The following MGME1 variants were observed in gnomAD, a reference collection of about 807,000 sequenced individuals.
MGME1 encodes chromosome 20 open reading frame 72.
MGME1 carries 22 observed loss-of-function variants against 33.0 expected under a neutral mutation model. That is an observed-to-expected ratio of 0.67 (90% confidence interval 0.48 to 0.95). The LOEUF is 0.95. MGME1 is among the 40% of genes least tolerant of loss of function. The pLI, the probability that MGME1 is intolerant of heterozygous loss-of-function variation, is 0.00. For missense variants in MGME1, 383 were observed against 397.8 expected (o/e 0.96, Z 0.32); for synonymous variants, 133 against 144.0 (o/e 0.92, Z 0.55).
intron 4 of MGME1, among the ~76,000 whole-genome samples, chr20:17,989,406 A>C (rs1441924898): frequency 6.7e-6 from 1 of 149,394 alleles, no homozygotes. Context: ...TAAATAAATA[A>C]ATAAATAAAT....
intron 3 of MGME1, among the ~76,000 whole-genome samples, chr20:17,980,215 G>A (rs1487551395): frequency 2.0e-5 from 3 of 151,480 alleles, no homozygotes; most frequent in Non-Finnish European, 2.9e-5. Context: ...TCATAGAGAC[G>A]GGGTTTCACC....
At chr20:17,970,618 AAAT>A (rs1336869484) in intron 2 of MGME1, among the ~76,000 whole-genome samples, 1 of 152,236 alleles carries the variant, frequency 6.6e-6, no homozygotes, top group African/African-American at 2.4e-5. Context: ...ATATTTGACT[AAAT>A]AATACATAAA....
upstream of MGME1, chr20:17,968,725 G>C: frequency 2.3e-6 from 1 of 428,312 alleles, no homozygotes; most frequent in Middle Eastern, 6.3e-4. Context: ...CGAGGAGGCC[G>C]CCAACCGCAG....
intron 3 of MGME1, among the ~76,000 whole-genome samples, chr20:17,979,159 G>A (rs1249308237): frequency 6.7e-6 from 1 of 149,882 alleles, no homozygotes; most frequent in Admixed American, 6.7e-5. Context: ...TCACTGCAAC[G>A]TCCACCTCGC....
chr20:17,988,088 C>T, intron 3 of MGME1, 78 bp from the exon 4 acceptor site: 2 of 1,381,654 alleles, frequency 1.4e-6, no homozygotes, highest in Non-Finnish European at 2.0e-6. Context: ...ACAAACTATA[C>T]ATAAGAGAAC....
chr20:17,978,149 A>G lies in MGME1; in HGVS notation c.731+2246A>G, dbSNP rs554099904. ...TTCCAATGTGGGCCAGGAAGCCGAA[A>G]GAGTGGGCACCCTTGATAGTCTGAA... On this transcript the variant is annotated intron_variant, in intron 3 of 4. Transcript: ENST00000377710. 6.6e-5 allele frequency among the ~76,000 whole-genome samples: 10 copies of G among 152,322 alleles called. 1 individual carries two copies. The South Asian group carries it at 2.1e-3, about 32-fold the overall frequency.
chr20:17,988,361 G>T, intron 4 of MGME1, 63 bp downstream of exon 4: 6 of 1,560,986 alleles, frequency 3.8e-6, no homozygotes, highest in Non-Finnish European at 5.2e-6. Flanking sequence ...ATAACTCCGG[G>T]CCGGGCGCAG....
rs566327913 is a variant in MGME1 at position 17,990,570 on chromosome 20, C to T, written c.*461C>T. The T allele has an allele frequency of 3.4e-4, 59 of 173,130 alleles. No homozygotes were observed. In the South Asian group the frequency reaches 6.4e-3, roughly 19 times the overall value. The allele number at this position is 173,130 out of a possible 1,614,324, so 10.7% of individuals were successfully genotyped here. ...CAGGGAGGACACATCAGCCCACTAC[C>T]GCTGCCAACACCAATGCCTAAAACT... On this transcript the variant is annotated 3_prime_UTR_variant, in exon 5 of 5. Coordinates refer to ENST00000377710, the MANE Select transcript of MGME1 (RefSeq NM_052865.4).
At chr20:17,979,097 GAC>G (rs2122554858) in intron 3 of MGME1, among the ~76,000 whole-genome samples, 1 of 150,268 alleles carries the variant, frequency 6.7e-6, no homozygotes, top group East Asian at 2.0e-4. Flanking sequence ...TTTTTTTTAA[GAC>G]ACAGTTTTGT....
upstream of MGME1, chr20:17,968,748 G>A (rs981426173): frequency 5.2e-6 from 2 of 385,292 alleles, no homozygotes; most frequent in African/African-American, 4.3e-5. Flanking sequence ...CCGCGACACG[G>A]ACGGGAAGCA....
At chr20:17,982,084 G>A (rs1442811318) in intron 3 of MGME1, among the ~76,000 whole-genome samples, 1 of 152,130 alleles carries the variant, frequency 6.6e-6, no homozygotes, top group Non-Finnish European at 1.5e-5. Context: ...GTGCCTCTTT[G>A]TATATTACAG....
rs952637556 is a variant in MGME1 at position 17,990,150 on chromosome 20, A to T, written c.*41A>T. ...TTGGGAACATTCAGCACCTTCTCAC[A>T]GTTTGGGAACATATATTGCTGTTTA... On this transcript the variant is annotated 3_prime_UTR_variant, in exon 5 of 5. Transcript: ENST00000377710. 6.3e-7 allele frequency: 1 copy of T among 1,582,518 alleles called. No individual in the cohort carries two copies. The highest frequency in any genetic ancestry group is 1.3e-5 in the African/African-American group (1 of 74,252).
chr20:17,972,381 T>C (rs1600378503), intron 2 of MGME1, among the ~76,000 whole-genome samples: 1 of 152,106 alleles, frequency 6.6e-6, no homozygotes, highest in Non-Finnish European at 1.5e-5. Context: ...GTCTGACTTA[T>C]TCTGATTTAT....
chr20:17,970,266 T>G lies in MGME1; in HGVS notation c.407T>G (p.Val136Gly), dbSNP rs754762766. The change falls in exon 2 of 5, where the codon GTC becomes GGC. Residue 136 changes from valine (V) to glycine (G), a missense_variant. Physicochemically the swap from Val to Gly is moderately radical, Grantham distance 109 (BLOSUM62 -3). Coordinates refer to ENST00000377710, the MANE Select transcript of MGME1 (RefSeq NM_052865.4). The stretch of plus-strand genomic sequence containing the variant: ...AATGTGATACCAAGTGTGACCCGAG[T>G]CCTTCAGCAGACCATGACAAAACAA... Reference protein sequence around the residue: ...QRNVIPSVTRVLQQTMTKQQV... With the variant: ...QRNVIPSVTRGLQQTMTKQQV... 1.9e-6 allele frequency: 3 copies of G among 1,614,180 alleles called. No individual in the cohort carries two copies. The highest frequency in any genetic ancestry group is 1.7e-6 in the Non-Finnish European group (2 of 1,180,036).
intron 4 of MGME1, among the ~76,000 whole-genome samples, chr20:17,988,894 A>C (rs2036221437): frequency 6.6e-6 from 1 of 152,070 alleles, no homozygotes; most frequent in African/African-American, 2.4e-5. Context: ...GTTTGAGTCC[A>C]GCCTGGGCAA....
chr20:17,989,896 A>G, intron 4 of MGME1, 43 bp from the exon 5 acceptor site: 1 of 1,587,650 alleles, frequency 6.3e-7, no homozygotes, highest in African/African-American at 1.4e-5. Context: ...TAAACTCTGG[A>G]CCTACTGTAG....
rs565623081 is a variant in MGME1, at chr20:17,970,513, A to G, written c.511+143A>G. On this transcript the variant is annotated intron_variant, in intron 2 of 4. Coordinates refer to ENST00000377710, the MANE Select transcript of MGME1 (RefSeq NM_052865.4). ...CAGATAGTAATTAACATTAAATAGC[A>G]CTTTATGTGTATTAACTCACTTGAT... The G allele has an allele frequency of 4.0e-6, 3 of 755,680 alleles. No homozygotes were observed. In the South Asian group the frequency reaches 5.5e-5, roughly 14 times the overall value. 46.8% of individuals were successfully genotyped at this position (755,680 alleles called of 1,614,324 possible). A position where few individuals can be genotyped will look rare whatever the true frequency, so the allele number is the denominator to read the frequency against.
chr20:17,976,265 A>G (rs554976547), intron 3 of MGME1, among the ~76,000 whole-genome samples: 1 of 152,242 alleles, frequency 6.6e-6, no homozygotes, highest in East Asian at 1.9e-4. Flanking sequence ...CTGGGACTAC[A>G]GGCATGCACC....
chr20:17,984,963 G>A (rs189634312), intron 3 of MGME1, among the ~76,000 whole-genome samples: 36 of 151,420 alleles, frequency 2.4e-4, no homozygotes, highest in Middle Eastern at 3.4e-3. Flanking sequence ...CTTGAACCCG[G>A]GAGGTGGGGG....
Sources: allele counts gnomAD v4.1 joint callset (sites outside exome capture counted in the v4.1 genomes callset), GRCh38; gene constraint gnomAD v4.1.1; transcripts MANE v1.5; gene names NCBI Gene and HGNC (gene_info 2026-07-23, HGNC 2026-07-21).